Variants in DSCAM observed in about 807,000 individuals in gnomAD.
DSCAM encodes cell adhesion molecule DSCAM.
A neutral mutation model predicts 217.7 loss-of-function variants in DSCAM; 47 were observed. The observed-to-expected ratio is 0.22, with a 90% CI of 0.17 to 0.28. The LOEUF (loss-of-function observed/expected upper bound fraction) is 0.28, where lower values mean the gene tolerates loss of function less well. Among genes scored for constraint, DSCAM ranks in the 10% least tolerant of loss-of-function variants. The pLI is 1.00. For synonymous variants in DSCAM, 1,056 were observed against 1,015.3 expected (o/e 1.04, Z -0.76); for missense variants, 2,080 against 2,618.3 (o/e 0.79, Z 4.49).
At position 40,690,873 on chromosome 21, in the gene DSCAM, C is replaced by T. The variant is rs555225282; in HGVS notation, c.508+1937G>A. Among the ~76,000 whole-genome samples, 3 of 152,098 alleles carry T rather than the reference C, an allele frequency of 2.0e-5. No individual in the cohort carries two copies. The South Asian group carries it at 6.2e-4, about 32-fold the overall frequency. Reference sequence around the variant, plus strand: ...ACATGTTCTCACTTGTAAGTGGGAGCTGAATGATGAGAACACAGGGACACA... The same window carrying T: ...ACATGTTCTCACTTGTAAGTGGGAGTTGAATGATGAGAACACAGGGACACA... On this transcript the variant is annotated intron_variant, in intron 3 of 32. Transcript: ENST00000400454.
intron 32 of DSCAM, among the ~76,000 whole-genome samples, chr21:40,031,784 C>T (rs755640953): frequency 6.6e-6 from 1 of 152,138 alleles, no homozygotes; most frequent in African/African-American, 2.4e-5. Flanking sequence ...GGCACCAGGG[C>T]CTAAGGCATC....
chr21:40,344,397 C>T (rs992426256), intron 6 of DSCAM, among the ~76,000 whole-genome samples: 4 of 152,138 alleles, frequency 2.6e-5, no homozygotes, highest in South Asian at 2.1e-4. Flanking sequence ...TCTCTATATC[C>T]GGCATGACTT....
intron 1 of DSCAM, among the ~76,000 whole-genome samples, chr21:40,772,392 C>T (rs2091453238): frequency 6.6e-6 from 1 of 152,192 alleles, no homozygotes. Flanking sequence ...TGGTCTCGAA[C>T]TCCCGACCTC....
chr21:40,799,956 TG>T (rs1284524556), intron 1 of DSCAM, among the ~76,000 whole-genome samples: 10 of 152,222 alleles, frequency 6.6e-5, no homozygotes, highest in African/African-American at 2.4e-4. Flanking sequence ...ATCCCCAATG[TG>T]GCAATATTGA....
At chr21:40,175,698 G>A (rs1449947380) in intron 15 of DSCAM, among the ~76,000 whole-genome samples, 1 of 151,584 alleles carries the variant, frequency 6.6e-6, no homozygotes, top group Non-Finnish European at 1.5e-5. Flanking sequence ...ATTTGAAAGG[G>A]AAGGCATGAA....
intron 30 of DSCAM, among the ~76,000 whole-genome samples, chr21:40,044,916 C>T (rs968763569): frequency 6.6e-6 from 1 of 152,142 alleles, no homozygotes; most frequent in South Asian, 2.1e-4. Context: ...TGTTCATGTC[C>T]TAACCCCCAG....
chr21:40,550,912 T>C (rs561831713), intron 3 of DSCAM, among the ~76,000 whole-genome samples: 15 of 152,294 alleles, frequency 9.8e-5, no homozygotes, highest in Middle Eastern at 3.4e-3. Context: ...TGGATGCAAG[T>C]GATTGGCTGA....
chr21:40,347,059 G>A (rs2074565657), intron 6 of DSCAM, among the ~76,000 whole-genome samples: 1 of 152,090 alleles, frequency 6.6e-6, no homozygotes, highest in African/African-American at 2.4e-5. Flanking sequence ...CCAGCACTTT[G>A]GGGGGCCGAG....
intron 3 of DSCAM, among the ~76,000 whole-genome samples, chr21:40,579,680 C>T (rs535953541): frequency 2.6e-5 from 4 of 152,220 alleles, no homozygotes; most frequent in South Asian, 2.1e-4. Flanking sequence ...TTAAGATCGT[C>T]GCTAGAAAAT....
chr21:40,284,093 G>A (rs181990510), intron 10 of DSCAM, among the ~76,000 whole-genome samples: 3 of 152,220 alleles, frequency 2.0e-5, no homozygotes, highest in Non-Finnish European at 1.5e-5. Context: ...TTGGGGGATT[G>A]CAGGAAAGCA....
intron 3 of DSCAM, among the ~76,000 whole-genome samples, chr21:40,551,364 T>C (rs2076628405): frequency 6.6e-6 from 1 of 152,228 alleles, no homozygotes; most frequent in Non-Finnish European, 1.5e-5. Context: ...AACCAATTAT[T>C]ATCTAAAGAC....
intron 1 of DSCAM, among the ~76,000 whole-genome samples, chr21:40,761,660 G>T (rs1827302388): frequency 6.6e-6 from 1 of 152,148 alleles, no homozygotes; most frequent in Non-Finnish European, 1.5e-5. Context: ...TTTCTTAACA[G>T]CCCTAACAAA....
chr21:40,781,012 AT>A (rs35913475), intron 1 of DSCAM, among the ~76,000 whole-genome samples: 96,422 of 148,864 alleles, frequency 0.65, 31,194 homozygotes, highest in South Asian at 0.74. Context: ...TAATAGTAAC[AT>A]TTTTTTTTTT....
chr21:40,348,224 C>A (rs954914517), intron 5 of DSCAM, among the ~76,000 whole-genome samples: 3 of 151,514 alleles, frequency 2.0e-5, no homozygotes, highest in Non-Finnish European at 4.4e-5. Context: ...CAGTTCCTAT[C>A]AGCCACATTA....
chr21:40,216,082 C>G (rs1423898641), intron 11 of DSCAM, among the ~76,000 whole-genome samples: 3 of 152,046 alleles, frequency 2.0e-5, no homozygotes, highest in African/African-American at 7.2e-5. Flanking sequence ...TTCTTTTGGC[C>G]TCCTATAAAA....
intron 20 of DSCAM, among the ~76,000 whole-genome samples, chr21:40,123,416 C>T (rs2090056469): frequency 6.6e-6 from 1 of 152,196 alleles, no homozygotes; most frequent in African/African-American, 2.4e-5. Context: ...ATGGAAGAGA[C>T]ATGGCACCTG....
chr21:40,730,668 T>A (rs115746485), intron 1 of DSCAM, among the ~76,000 whole-genome samples: 3,317 of 152,146 alleles, frequency 0.022, 127 homozygotes, highest in African/African-American at 0.076. Context: ...CCTGATGTGA[T>A]GTGCTGGAAG....
At chr21:40,039,950 G>A (rs1167587006) in intron 32 of DSCAM, among the ~76,000 whole-genome samples, 1 of 152,218 alleles carries the variant, frequency 6.6e-6, no homozygotes, top group East Asian at 1.9e-4. Context: ...AGCGTGAAGA[G>A]GGCATATAGG....
intron 11 of DSCAM, among the ~76,000 whole-genome samples, chr21:40,270,232 C>G (rs1180984370): frequency 1.3e-5 from 2 of 152,178 alleles, no homozygotes; most frequent in Non-Finnish European, 2.9e-5. Context: ...CTGCTTCTGC[C>G]TCCAGAAATT....
Sources: allele counts gnomAD v4.1 joint callset (sites outside exome capture counted in the v4.1 genomes callset), GRCh38; gene constraint gnomAD v4.1.1; transcripts MANE v1.5; gene names NCBI Gene and HGNC (gene_info 2026-07-23, HGNC 2026-07-21).